The following ADK variants were observed in gnomAD, a reference collection of about 807,000 sequenced individuals.
The protein encoded by ADK is adenosine kinase.
A neutral mutation model predicts 44.7 loss-of-function variants in ADK; 24 were observed. The observed-to-expected ratio is 0.54, with a 90% CI of 0.39 to 0.76. The LOEUF (loss-of-function observed/expected upper bound fraction) is 0.76. Among genes scored for constraint, ADK ranks in the 30% least tolerant of loss-of-function variants. The probability of loss-of-function intolerance (pLI) is 0.00; values close to 1 mark genes in which losing one functional copy is unlikely to be tolerated. For missense variants in ADK, 321 were observed against 425.1 expected, an observed-to-expected ratio of 0.76 and a Z score of 2.15; for synonymous variants, 128 against 142.6, an observed-to-expected ratio of 0.90 and a Z score of 0.73.
At chr10:74,216,571 G>A (rs1200848981) in intron 2 of ADK, among the ~76,000 whole-genome samples, 2 of 151,572 alleles carry the variant, frequency 1.3e-5, no homozygotes, top group Non-Finnish European at 1.5e-5. Context: ...CTTAAAATAC[G>A]AAAATTAGCC....
At chr10:74,500,710 C>T (rs981985856) in intron 6 of ADK, among the ~76,000 whole-genome samples, 2 of 151,968 alleles carry the variant, frequency 1.3e-5, no homozygotes, top group East Asian at 1.9e-4. Flanking sequence ...TGACATATTC[C>T]GATGTCATGG....
chr10:74,216,364 T>C (rs892709044), intron 2 of ADK, among the ~76,000 whole-genome samples: 1 of 152,212 alleles, frequency 6.6e-6, no homozygotes, highest in East Asian at 1.9e-4. Flanking sequence ...TTAAAAAAAT[T>C]TTTTTTCTCC....
intron 3 of ADK, among the ~76,000 whole-genome samples, chr10:74,303,995 A>C (rs903528498): frequency 3.9e-5 from 6 of 152,002 alleles, no homozygotes; most frequent in Non-Finnish European, 5.9e-5. Context: ...GTATTGTCAA[A>C]ATGAGAGTTG....
intron 6 of ADK, among the ~76,000 whole-genome samples, chr10:74,524,188 A>T (rs2133614090): frequency 6.6e-6 from 1 of 152,318 alleles, no homozygotes; most frequent in Non-Finnish European, 1.5e-5. Context: ...TAAGACTTTC[A>T]TTAATATTAA....
chr10:74,474,289 G>A (rs1383149131), intron 6 of ADK, among the ~76,000 whole-genome samples: 1 of 151,904 alleles, frequency 6.6e-6, no homozygotes, highest in Non-Finnish European at 1.5e-5. Context: ...TTTTTTAAGA[G>A]GCAGGGCCTC....
chr10:74,500,826 G>A (rs1207328025), intron 6 of ADK, among the ~76,000 whole-genome samples: 2 of 152,078 alleles, frequency 1.3e-5, no homozygotes, highest in African/African-American at 4.8e-5. Context: ...TATTAATCCT[G>A]CAGCAATCAG....
intron 6 of ADK, among the ~76,000 whole-genome samples, chr10:74,504,444 C>T (rs1025152025): frequency 2.0e-5 from 3 of 152,062 alleles, no homozygotes; most frequent in Non-Finnish European, 2.9e-5. Context: ...TTTTGACTCC[C>T]CAGAAACTTT....
chr10:74,479,997 T>A (rs1847005973), intron 6 of ADK, among the ~76,000 whole-genome samples: 1 of 152,154 alleles, frequency 6.6e-6, no homozygotes, highest in Non-Finnish European at 1.5e-5. Flanking sequence ...CCCCCAATCA[T>A]GCTTGGATGA....
chr10:74,553,403 G>A (rs1364551408), intron 7 of ADK, among the ~76,000 whole-genome samples: 1 of 151,876 alleles, frequency 6.6e-6, no homozygotes, highest in Non-Finnish European at 1.5e-5. Context: ...GTTTCACCAT[G>A]TTGGCCAGGA....
intron 2 of ADK, among the ~76,000 whole-genome samples, chr10:74,202,588 A>G (rs534837179): frequency 1.3e-5 from 2 of 152,238 alleles, no homozygotes; most frequent in Non-Finnish European, 1.5e-5. Flanking sequence ...CCGGCAGTGC[A>G]TAAGTGTTCC....
chr10:74,398,123 A>G (rs1343973383), intron 5 of ADK, among the ~76,000 whole-genome samples: 1 of 152,108 alleles, frequency 6.6e-6, no homozygotes, highest in Non-Finnish European at 1.5e-5. Flanking sequence ...AAATGTTTTT[A>G]GTTGCATAGA....
chr10:74,273,753 C>T (rs1010735649), intron 3 of ADK, among the ~76,000 whole-genome samples: 6 of 152,160 alleles, frequency 3.9e-5, no homozygotes, highest in Non-Finnish European at 7.4e-5. Flanking sequence ...CCACTGCGCC[C>T]GGCCTCTCCC....
chr10:74,232,235 T>C (rs913205065), intron 3 of ADK, among the ~76,000 whole-genome samples: 2 of 152,150 alleles, frequency 1.3e-5, no homozygotes, highest in Non-Finnish European at 1.5e-5. Flanking sequence ...AAGAAAATAA[T>C]TGGCCGAGTG....
chr10:74,589,356 AG>A (rs755301729), intron 8 of ADK, 39 bp downstream of exon 8: 1 of 1,606,380 alleles, frequency 6.2e-7, no homozygotes, highest in Non-Finnish European at 8.5e-7. Flanking sequence ...CAGATCCTAA[AG>A]GTTTTTTCTA....
intron 9 of ADK, among the ~76,000 whole-genome samples, chr10:74,627,585 G>A (rs1419682572): frequency 1.3e-5 from 2 of 151,110 alleles, no homozygotes; most frequent in Admixed American, 6.6e-5. Context: ...AGTACTAAGA[G>A]TGTTTTGGGC....
chr10:74,213,140 C>G (rs984149763), intron 2 of ADK, among the ~76,000 whole-genome samples: 1 of 152,140 alleles, frequency 6.6e-6, no homozygotes, highest in African/African-American at 2.4e-5. Flanking sequence ...CAGGGTCTTG[C>G]TGTGTTGCCC....
At chr10:74,708,242 C>T in intron 10 of ADK, 79 bp from the exon 11 acceptor site, 1 of 1,437,252 alleles carries the variant, frequency 7.0e-7, no homozygotes, top group Non-Finnish European at 9.6e-7. Context: ...GTGCTTAGAT[C>T]ATATATTGGT....
At chr10:74,177,943 ATATT>A (rs1340277806) in intron 1 of ADK, among the ~76,000 whole-genome samples, 1,113 of 56,826 alleles carry the variant, frequency 0.02, 22 homozygotes, top group African/African-American at 0.056. Flanking sequence ...ATATATATAT[ATATT>A]TTTTTTTTTT....
Position 74,704,971 on chromosome 10 carries a change from C to T in ADK, c.965-3350C>T, listed in dbSNP as rs533477953. On this transcript the variant is annotated intron_variant, in intron 10 of 10. Transcript: ENST00000539909. ...TAAACCTCTTGAGAGAGTGATTTTA[C>T]AGTCTCAGCAAATGTCTTTAAAATA... Among the ~76,000 whole-genome samples the T allele has an allele frequency of 5.3e-5, 8 of 152,334 alleles. No homozygotes were observed. The East Asian group carries it at 9.6e-4, about 18-fold the overall frequency.
Sources: allele counts gnomAD v4.1 joint callset (sites outside exome capture counted in the v4.1 genomes callset), GRCh38; gene constraint gnomAD v4.1.1; transcripts MANE v1.5; gene names NCBI Gene and HGNC (gene_info 2026-07-23, HGNC 2026-07-21).